The following LIN28B variants were observed in gnomAD, a reference collection of about 807,000 sequenced individuals.
The protein encoded by LIN28B is lin-28 RNA binding posttranscriptional regulator B.
LIN28B carries 5 observed loss-of-function variants against 21.9 expected under a neutral mutation model. The ratio of observed to expected loss-of-function variants is 0.23; its 90% CI spans 0.12 to 0.48. The LOEUF is 0.48. Ranked by LOEUF, LIN28B falls within the 20% of genes least tolerant of loss-of-function variation. LIN28B has a pLI of 0.98. For missense variants in LIN28B, 245 were observed against 310.5 expected (o/e 0.79, Z 1.58); for synonymous variants, 109 against 111.3 (o/e 0.98, Z 0.13).
intron 2 of LIN28B, among the ~76,000 whole-genome samples, chr6:105,014,934 G>T: frequency 6.6e-6 from 1 of 151,364 alleles, no homozygotes; most frequent in African/African-American, 2.4e-5. Flanking sequence ...AAAGTATACT[G>T]TGTAATTACA....
intron 2 of LIN28B, among the ~76,000 whole-genome samples, chr6:105,003,715 A>T (rs557256058): frequency 6.6e-5 from 10 of 152,048 alleles, no homozygotes; most frequent in African/African-American, 2.4e-4. Context: ...ATTTCACTAT[A>T]TGTTAGCCAG....
rs1414878367 is a variant in LIN28B, at chr6:105,029,126, T to C, written c.383+2644T>C. 3.9e-5 allele frequency among the ~76,000 whole-genome samples: 6 copies of C among 152,182 alleles called. No individual in the cohort carries two copies. The East Asian group carries it at 1.2e-3, about 29-fold the overall frequency. On this transcript the variant is annotated intron_variant, in intron 3 of 3. Transcript: ENST00000345080. ...AACGGGCTGAGTGGACTGGTGGGGG[T>C]GAAAGCCTTCGTGGGTTGTGTTCAA...
intron 3 of LIN28B, among the ~76,000 whole-genome samples, chr6:105,062,738 C>T (rs1431336264): frequency 6.6e-6 from 1 of 151,824 alleles, no homozygotes; most frequent in East Asian, 1.9e-4. Context: ...GTGGTTCTTG[C>T]ATTTACATCC....
At chr6:105,040,705 C>T (rs1182359118) in intron 3 of LIN28B, among the ~76,000 whole-genome samples, 2 of 151,960 alleles carry the variant, frequency 1.3e-5, no homozygotes, top group Non-Finnish European at 2.9e-5. Flanking sequence ...CAAAGCCCTT[C>T]GCATTTTGTA....
intron 2 of LIN28B, among the ~76,000 whole-genome samples, chr6:104,943,355 G>A (rs1236865808): frequency 6.6e-6 from 1 of 152,044 alleles, no homozygotes; most frequent in African/African-American, 2.4e-5. Flanking sequence ...CATGATTAAA[G>A]GAAGAAAATA....
chr6:105,046,097 A>T (rs1562104739), intron 3 of LIN28B, among the ~76,000 whole-genome samples: 1 of 152,134 alleles, frequency 6.6e-6, no homozygotes, highest in Non-Finnish European at 1.5e-5. Context: ...TACATGCGCC[A>T]TGTTGGTGTG....
chr6:105,015,633 TATG>T (rs1478766381), intron 2 of LIN28B, among the ~76,000 whole-genome samples: 1 of 152,230 alleles, frequency 6.6e-6, no homozygotes, highest in Non-Finnish European at 1.5e-5. Flanking sequence ...TCTGTGTTAA[TATG>T]ATATTTTTAA....
intron 3 of LIN28B, among the ~76,000 whole-genome samples, chr6:105,067,325 C>G (rs189051510): frequency 6.6e-6 from 1 of 152,072 alleles, no homozygotes; most frequent in African/African-American, 2.4e-5. Flanking sequence ...GAATGTAAAC[C>G]TGCAGTTAGG....
chr6:104,983,247 A>G (rs917153753), intron 2 of LIN28B, among the ~76,000 whole-genome samples: 2 of 152,260 alleles, frequency 1.3e-5, no homozygotes, highest in African/African-American at 4.8e-5. Flanking sequence ...AGCATCAACC[A>G]TGCATCTGGG....
At chr6:104,981,415 T>TA (rs1402514755) in intron 2 of LIN28B, among the ~76,000 whole-genome samples, 29 of 152,318 alleles carry the variant, frequency 1.9e-4, no homozygotes, top group Admixed American at 1.5e-3. Flanking sequence ...AAACTGCTCT[T>TA]AACAAAAGAA....
chr6:105,004,689 G>T (rs1208541232), intron 2 of LIN28B, among the ~76,000 whole-genome samples: 5 of 152,090 alleles, frequency 3.3e-5, no homozygotes, highest in Non-Finnish European at 7.4e-5. Context: ...AACTTTTAGG[G>T]TTATAATTGC....
chr6:105,010,252 A>C (rs974254721), intron 2 of LIN28B, among the ~76,000 whole-genome samples: 2 of 151,806 alleles, frequency 1.3e-5, no homozygotes, highest in Non-Finnish European at 2.9e-5. Context: ...AGTCCCAGCT[A>C]CTTATGAGGC....
chr6:105,052,118 T>G (rs542535179), intron 3 of LIN28B, among the ~76,000 whole-genome samples: 4 of 152,260 alleles, frequency 2.6e-5, no homozygotes, highest in Admixed American at 1.3e-4. Flanking sequence ...TGTGCAAAGA[T>G]TCCGAGGCAT....
chr6:104,974,689 G>C lies in LIN28B; in HGVS notation c.198+16403G>C, dbSNP rs1039847920. Among the ~76,000 whole-genome samples, 49 of 151,742 alleles carry C rather than the reference G, an allele frequency of 3.2e-4. 1 individual carries two copies. Among genetic ancestry groups the C allele is most frequent in the Admixed American group, 9.8e-4 (15 of 15,242 alleles). On this transcript the variant is annotated intron_variant, in intron 2 of 3. Coordinates refer to ENST00000345080, the MANE Select transcript of LIN28B (RefSeq NM_001004317.4). ...TTAAGTCTCTTATACTTGTTGACTA[G>C]TTTGAAAAACTTACACAGTATGGTT...
At chr6:105,065,784 C>CCT (rs1772208234) in intron 3 of LIN28B, among the ~76,000 whole-genome samples, 1 of 152,088 alleles carries the variant, frequency 6.6e-6, no homozygotes, top group Admixed American at 6.5e-5. Flanking sequence ...GACCACTGGC[C>CCT]CTCTATAAAT....
At chr6:105,053,413 G>GCA (rs57438240) in intron 3 of LIN28B, among the ~76,000 whole-genome samples, 1 of 149,554 alleles carries the variant, frequency 6.7e-6, no homozygotes, top group Non-Finnish European at 1.5e-5. Context: ...GTGTGTGTGT[G>GCA]CACGTGCTCA....
At chr6:104,960,552 T>A (rs1769718570) in intron 2 of LIN28B, among the ~76,000 whole-genome samples, 2 of 152,110 alleles carry the variant, frequency 1.3e-5, no homozygotes, top group Non-Finnish European at 2.9e-5. Context: ...CTACTCAAAA[T>A]TTTTAAAATA....
chr6:104,945,003 T>C (rs562208431), intron 2 of LIN28B, among the ~76,000 whole-genome samples: 9 of 152,276 alleles, frequency 5.9e-5, no homozygotes, highest in Admixed American at 5.9e-4. Context: ...AGTATTTATT[T>C]TACAGACTTA....
At chr6:105,017,072 C>CAAAAA (rs56179020) in intron 2 of LIN28B, among the ~76,000 whole-genome samples, 27 of 86,002 alleles carry the variant, frequency 3.1e-4, no homozygotes, top group South Asian at 4.1e-4. Context: ...GACTCTGTCT[C>CAAAAA]AAAAAAAAAA....
Sources: gnomAD v4.1 joint callset for allele counts (sites outside exome capture counted in the v4.1 genomes callset) on GRCh38, gnomAD v4.1.1 for gene constraint, MANE v1.5 for transcripts, NCBI Gene and HGNC (gene_info 2026-07-23, HGNC 2026-07-21) for gene names.